The following RANBP17 variants were observed in gnomAD, a reference collection of about 807,000 sequenced individuals.
RANBP17 encodes the protein RAN binding protein 17.
Under a neutral mutation model 141.2 loss-of-function variants are expected in RANBP17, and 158 were observed. The ratio of observed to expected loss-of-function variants is 1.12; its 90% confidence interval spans 0.98 to 1.28. The LOEUF (loss-of-function observed/expected upper bound fraction) is 1.28, where lower values mean the gene tolerates loss of function less well. RANBP17 is among the 50% of genes most tolerant of loss of function. The probability of loss-of-function intolerance (pLI) is 0.00; values close to 1 mark genes in which losing one functional copy is unlikely to be tolerated. For missense variants in RANBP17, 1,438 were observed against 1,290.7 expected, an observed-to-expected ratio of 1.11 and a Z score of -1.75; for synonymous variants, 430 against 450.0, an observed-to-expected ratio of 0.96 and a Z score of 0.56.
intron 4 of RANBP17, among the ~76,000 whole-genome samples, chr5:170,893,895 G>A (rs1769874562): frequency 6.6e-6 from 1 of 151,994 alleles, no homozygotes; most frequent in Admixed American, 6.6e-5. Flanking sequence ...GTTGAGTATG[G>A]GCAATTTTGA....
At chr5:170,919,819 G>A (rs1011388236) in intron 11 of RANBP17, among the ~76,000 whole-genome samples, 1 of 151,802 alleles carries the variant, frequency 6.6e-6, no homozygotes, top group Non-Finnish European at 1.5e-5. Flanking sequence ...TTTTCAGTCA[G>A]CCCCTCTCCT....
intron 14 of RANBP17, among the ~76,000 whole-genome samples, chr5:171,141,098 G>T (rs1051150838): frequency 1.3e-5 from 2 of 151,912 alleles, no homozygotes; most frequent in East Asian, 3.9e-4. Flanking sequence ...AGAAACATTT[G>T]CAGAATCCCT....
chr5:171,221,915 T>A, intron 22 of RANBP17, 75 bp downstream of exon 22: 1 of 963,164 alleles, frequency 1.0e-6, no homozygotes, highest in Non-Finnish European at 1.6e-6. Flanking sequence ...GTTAGTTATT[T>A]TGTTCTTTTG....
At chr5:171,127,039 A>G (rs1254593297) in intron 14 of RANBP17, among the ~76,000 whole-genome samples, 2 of 152,212 alleles carry the variant, frequency 1.3e-5, no homozygotes, top group South Asian at 2.1e-4. Flanking sequence ...CATAAAAACT[A>G]TAGGCCAATA....
chr5:171,110,597 A>G (rs1755155782), intron 14 of RANBP17, among the ~76,000 whole-genome samples: 4 of 152,158 alleles, frequency 2.6e-5, no homozygotes, highest in Admixed American at 6.5e-5. Context: ...CAGATTACCA[A>G]GGGAAAAGCA....
rs932354542 is a variant in RANBP17 at position 170,945,007 on chromosome 5, T to C, written c.1469-8590T>C. On this transcript the variant is annotated intron_variant, in intron 12 of 27. Transcript: ENST00000523189. Reference sequence around the variant, plus strand: ...CTCACTAGGCTCAGTTCCCTGAGCATGGAGTCTCTCTCTCCCCTGCCCCAG... The same window carrying C: ...CTCACTAGGCTCAGTTCCCTGAGCACGGAGTCTCTCTCTCCCCTGCCCCAG... Among the ~76,000 whole-genome samples the C allele has an allele frequency of 5.3e-5, 8 of 152,352 alleles. No individual in the cohort carries two copies. In the South Asian group the frequency reaches 1.7e-3, roughly 32 times the overall value.
intron 25 of RANBP17, among the ~76,000 whole-genome samples, chr5:171,280,485 G>C (rs530236403): frequency 6.6e-6 from 1 of 152,182 alleles, no homozygotes; most frequent in African/African-American, 2.4e-5. Flanking sequence ...TCACCATAGT[G>C]CCCAGGCTGG....
intron 14 of RANBP17, among the ~76,000 whole-genome samples, chr5:171,045,661 A>G (rs1782535708): frequency 6.6e-6 from 1 of 152,200 alleles, no homozygotes. Flanking sequence ...AATAGCCTCT[A>G]AAACAGTATG....
rs1293188045 is a variant in RANBP17, at chr5:170,878,336, T to TA, written c.165+94dup. Reference sequence around the variant, plus strand: ...TGTGTTAGCAATGGTAACTGATAGATATTGCCACATGGTTTTTTTGTTTTT... The same window carrying TA: ...TGTGTTAGCAATGGTAACTGATAGATAATTGCCACATGGTTTTTTTGTTTTT... On this transcript the variant is annotated intron_variant, in intron 2 of 27. Transcript: ENST00000523189. 3.8e-6 allele frequency: 4 copies of TA among 1,049,912 alleles called. No individual in the cohort carries two copies. The East Asian group carries it at 1.1e-4, about 29-fold the overall frequency. 65.0% of individuals were successfully genotyped at this position (1,049,912 alleles called of 1,614,324 possible).
At chr5:171,270,268 A>G (rs1767006890) in intron 25 of RANBP17, among the ~76,000 whole-genome samples, 1 of 152,210 alleles carries the variant, frequency 6.6e-6, no homozygotes, top group Non-Finnish European at 1.5e-5. Flanking sequence ...TTTGCAAACA[A>G]CTCTAACTTT....
At chr5:171,067,065 T>C (rs999477943) in intron 14 of RANBP17, among the ~76,000 whole-genome samples, 2 of 152,196 alleles carry the variant, frequency 1.3e-5, no homozygotes, top group African/African-American at 4.8e-5. Flanking sequence ...TTTTGCTGTT[T>C]TTCTATATGC....
intron 14 of RANBP17, among the ~76,000 whole-genome samples, chr5:171,088,628 A>G (rs927205751): frequency 6.6e-6 from 1 of 152,122 alleles, no homozygotes; most frequent in African/African-American, 2.4e-5. Context: ...GTCTTTTCAC[A>G]TAGTCCCATA....
chr5:171,179,350 G>C (rs1256139890), intron 16 of RANBP17, among the ~76,000 whole-genome samples: 1 of 151,876 alleles, frequency 6.6e-6, no homozygotes, highest in Non-Finnish European at 1.5e-5. Context: ...AAGGAATTTT[G>C]TCTGTTTGTG....
intron 25 of RANBP17, among the ~76,000 whole-genome samples, chr5:171,267,026 C>CTTTTCTTT (rs1766746325): frequency 8.7e-6 from 1 of 114,594 alleles, no homozygotes; most frequent in Admixed American, 9.9e-5. Context: ...ATTTTCTTTT[C>CTTTTCTTT]TTTTTTTTTT....
intron 12 of RANBP17, among the ~76,000 whole-genome samples, chr5:170,947,034 TATAA>T (rs936969791): frequency 5.9e-5 from 9 of 152,216 alleles, no homozygotes; most frequent in African/African-American, 2.2e-4. Context: ...ATTTTGGGAT[TATAA>T]ATAAATTTTA....
chr5:170,990,872 C>G (rs1778460553), intron 14 of RANBP17, among the ~76,000 whole-genome samples: 1 of 151,864 alleles, frequency 6.6e-6, no homozygotes, highest in Non-Finnish European at 1.5e-5. Flanking sequence ...ACTCCTCTGC[C>G]ATGAGGGATA....
chr5:170,915,121 G>C (rs967029641), intron 8 of RANBP17, among the ~76,000 whole-genome samples: 1 of 152,032 alleles, frequency 6.6e-6, no homozygotes, highest in Non-Finnish European at 1.5e-5. Flanking sequence ...TCTTTTAGTC[G>C]CAACAGTCTT....
At chr5:171,037,803 G>C (rs1201049589) in intron 14 of RANBP17, among the ~76,000 whole-genome samples, 1 of 152,234 alleles carries the variant, frequency 6.6e-6, no homozygotes, top group African/African-American at 2.4e-5. Context: ...CCATTAACAT[G>C]CTGTTTTGGT....
chr5:170,862,347 G>A (rs1766866039), intron 1 of RANBP17, among the ~76,000 whole-genome samples: 1 of 152,206 alleles, frequency 6.6e-6, no homozygotes, highest in Non-Finnish European at 1.5e-5. Context: ...GCGGACGCCG[G>A]CAGCACGCTC....
Sources: allele counts gnomAD v4.1 joint callset (sites outside exome capture counted in the v4.1 genomes callset), GRCh38; gene constraint gnomAD v4.1.1; transcripts MANE v1.5; gene names NCBI Gene and HGNC (gene_info 2026-07-23, HGNC 2026-07-21).